The following RASA1 variants were observed in gnomAD, a reference collection of about 807,000 sequenced individuals.
RASA1 encodes ras GTPase-activating protein 1.
RASA1 carries 25 observed loss-of-function variants against 132.2 expected under a neutral mutation model. That is an observed-to-expected ratio of 0.19 (90% CI 0.14 to 0.26). The LOEUF (loss-of-function observed/expected upper bound fraction) is 0.26. Among genes scored for constraint, RASA1 ranks in the 10% least tolerant of loss-of-function variants. RASA1 has a pLI of 1.00. For synonymous variants in RASA1, 477 were observed against 449.9 expected (o/e 1.06, Z -0.76); for missense variants, 964 against 1,299.2 (o/e 0.74, Z 3.97).
intron 1 of RASA1, among the ~76,000 whole-genome samples, chr5:87,283,146 G>GTTTTTTTTTTTTT (rs1235994274): frequency 2.1e-5 from 2 of 95,264 alleles, no homozygotes; most frequent in Non-Finnish European, 4.7e-5. Flanking sequence ...TTTTTTTTTT[G>GTTTTTTTTTTTTT]TGTTTTTTTT....
At position 87,301,659 on chromosome 5, in the gene RASA1, T is replaced by C. The variant is rs1755369873; in HGVS notation, c.540-29689T>C. Among the ~76,000 whole-genome samples the C allele has an allele frequency of 2.0e-5, 3 of 152,288 alleles. 1 individual carries two copies. In the South Asian group the frequency reaches 6.2e-4, roughly 32 times the overall value. ...TTCAGATTTCGTATTTTTGGGGGGCTTTATTTGCATTATACCAGTTGAGCA... is the reference window on the plus strand; with the variant it reads ...TTCAGATTTCGTATTTTTGGGGGGCCTTATTTGCATTATACCAGTTGAGCA... On this transcript the variant is annotated intron_variant, in intron 1 of 24. Coordinates refer to ENST00000274376, the MANE Select transcript of RASA1 (RefSeq NM_002890.3).
chr5:87,277,322 T>C (rs781119910), intron 1 of RASA1, among the ~76,000 whole-genome samples: 35 of 152,180 alleles, frequency 2.3e-4, no homozygotes, highest in Non-Finnish European at 4.6e-4. Context: ...CTGTCCCCCA[T>C]AGTCATAGGT....
intron 5 of RASA1, 88 bp from the exon 6 acceptor site, chr5:87,341,202 A>G: frequency 1.5e-6 from 1 of 682,952 alleles, no homozygotes. Flanking sequence ...GTGTGGGGAT[A>G]TGTTTGCAGA....
intron 1 of RASA1, among the ~76,000 whole-genome samples, chr5:87,289,763 A>T (rs1754833768): frequency 6.6e-6 from 1 of 152,096 alleles, no homozygotes; most frequent in Non-Finnish European, 1.5e-5. Context: ...GATGCATGCC[A>T]CCATGCCCAG....
rs1016632392 is a variant in RASA1, at chr5:87,361,870, C to T, written c.1333-681C>T. ...ATTTTTTTTTAAGAAATATGTACAT[C>T]CTACAATAAATATGGCAATTTACCT... is the stretch of plus-strand genomic sequence containing the variant. On this transcript the variant is annotated intron_variant, in intron 9 of 24. Coordinates refer to ENST00000274376, the MANE Select transcript of RASA1 (RefSeq NM_002890.3). Among the ~76,000 whole-genome samples, 6 of 151,672 alleles carry T rather than the reference C, an allele frequency of 4.0e-5. No individual in the cohort carries two copies. The East Asian group carries it at 1.2e-3, about 29-fold the overall frequency.
At chr5:87,309,427 G>A (rs1294242078) in intron 1 of RASA1, among the ~76,000 whole-genome samples, 5 of 152,050 alleles carry the variant, frequency 3.3e-5, no homozygotes, top group African/African-American at 9.7e-5. Flanking sequence ...TGACATTTTT[G>A]TGCAAAGACT....
intron 1 of RASA1, among the ~76,000 whole-genome samples, chr5:87,319,943 A>G (rs1489790966): frequency 6.6e-6 from 1 of 152,214 alleles, no homozygotes; most frequent in African/African-American, 2.4e-5. Context: ...ATGAGCATAT[A>G]CTTTTAGAAA....
intron 1 of RASA1, among the ~76,000 whole-genome samples, chr5:87,295,072 C>T (rs1214240405): frequency 6.6e-6 from 1 of 151,966 alleles, no homozygotes; most frequent in Non-Finnish European, 1.5e-5. Flanking sequence ...AGGTATTGAT[C>T]CCTTTATCAT....
intron 1 of RASA1, among the ~76,000 whole-genome samples, chr5:87,271,259 A>C (rs1016124275): frequency 3.9e-5 from 6 of 152,092 alleles, no homozygotes; most frequent in Non-Finnish European, 7.4e-5. Flanking sequence ...AACAAACAAA[A>C]AAACAATATT....
intron 1 of RASA1, among the ~76,000 whole-genome samples, chr5:87,281,139 A>C (rs1754300324): frequency 6.6e-6 from 1 of 151,908 alleles, no homozygotes; most frequent in Non-Finnish European, 1.5e-5. Flanking sequence ...TTCTGTTTTT[A>C]ATTTTTTAAG....
intron 17 of RASA1, chr5:87,377,305 G>A: frequency 2.1e-6 from 1 of 470,800 alleles, no homozygotes; most frequent in South Asian, 2.1e-5. Context: ...TCAATGGCTT[G>A]ACTGTTTGGC....
At chr5:87,385,540 G>A (rs959005717) in intron 22 of RASA1, 151 bp downstream of exon 22, 9 of 681,222 alleles carry the variant, frequency 1.3e-5, no homozygotes, top group South Asian at 7.4e-5. Flanking sequence ...AAAGTAGCTT[G>A]TTTAAATTTT....
At chr5:87,285,618 C>CTTTTTTTT (rs548410947) in intron 1 of RASA1, among the ~76,000 whole-genome samples, 4 of 126,068 alleles carry the variant, frequency 3.2e-5, no homozygotes, top group Non-Finnish European at 5.1e-5. Context: ...TTTTCTTTTT[C>CTTTTTTTT]TTTTTTTTTT....
rs1303409266 is a variant in RASA1, at chr5:87,383,206, G to A, written c.2691-507G>A. Among the ~76,000 whole-genome samples, 3 of 152,140 alleles carry A rather than the reference G, an allele frequency of 2.0e-5. No homozygotes were observed. In the East Asian group the frequency reaches 5.8e-4, roughly 29 times the overall value. Reference sequence around the variant, plus strand: ...TAGTGCAATGGATTCTTATTTTTATGTGAATCATCAACAAAATCAATGCAA... The same window carrying A: ...TAGTGCAATGGATTCTTATTTTTATATGAATCATCAACAAAATCAATGCAA... On this transcript the variant is annotated intron_variant, in intron 20 of 24. Transcript: ENST00000274376.
At chr5:87,329,824 T>C (rs1232910253) in intron 1 of RASA1, among the ~76,000 whole-genome samples, 1 of 152,184 alleles carries the variant, frequency 6.6e-6, no homozygotes, top group African/African-American at 2.4e-5. Flanking sequence ...CACAACTAAA[T>C]AAACTCATAG....
At chr5:87,323,851 A>G (rs1297506192) in intron 1 of RASA1, among the ~76,000 whole-genome samples, 2 of 152,042 alleles carry the variant, frequency 1.3e-5, no homozygotes, top group Non-Finnish European at 2.9e-5. Context: ...CTTTCAGGAA[A>G]TGTATGCTAA....
intron 13 of RASA1, among the ~76,000 whole-genome samples, chr5:87,373,284 A>G (rs900439389): frequency 6.6e-6 from 1 of 152,168 alleles, no homozygotes; most frequent in Non-Finnish European, 1.5e-5. Flanking sequence ...TATAACAACT[A>G]TGTACATAGC....
At chr5:87,353,653 G>A (rs1027213385) in intron 9 of RASA1, among the ~76,000 whole-genome samples, 13 of 152,054 alleles carry the variant, frequency 8.5e-5, no homozygotes, top group East Asian at 1.9e-4. Flanking sequence ...GTAGTTTTAC[G>A]GTGAGAGGAT....
chr5:87,308,123 A>G (rs1580224635), intron 1 of RASA1, among the ~76,000 whole-genome samples: 1 of 151,882 alleles, frequency 6.6e-6, no homozygotes, highest in East Asian at 1.9e-4. Flanking sequence ...TGGCCCTTCA[A>G]GTCTCTTAAT....
Sources: gnomAD v4.1 joint callset for allele counts (sites outside exome capture counted in the v4.1 genomes callset) on GRCh38, gnomAD v4.1.1 for gene constraint, MANE v1.5 for transcripts, NCBI Gene and HGNC (gene_info 2026-07-23, HGNC 2026-07-21) for gene names.